The following CAMK2B variants were observed in gnomAD, a reference collection of about 807,000 sequenced individuals.
CAMK2B encodes the protein calcium/calmodulin dependent protein kinase II beta.
Under a neutral mutation model 93.7 loss-of-function variants are expected in CAMK2B, and 27 were observed. The ratio of observed to expected loss-of-function variants is 0.29; its 90% confidence interval spans 0.21 to 0.40. The LOEUF is 0.40. Ranked by LOEUF, CAMK2B falls within the 10% of genes least tolerant of loss-of-function variation. The pLI is 1.00. For missense variants in CAMK2B, 568 were observed against 895.8 expected (o/e 0.63, Z 4.67); for synonymous variants, 374 against 358.8 (o/e 1.04, Z -0.48).
rs1422161715 is a variant in CAMK2B at position 44,225,768 on chromosome 7, C to T, written c.1597+748G>A. On this transcript the variant is annotated intron_variant, in intron 20 of 23. Transcript: ENST00000395749. The surrounding 1 kb of genome is among the most constrained non-coding windows in gnomAD (Gnocchi z 5.0). ...CCTGTCCCTCAAGTACTTACCTAGC[C>T]ACTGCCCTGCCATGCCGAGCCCGTG... 1 of 1,289,390 alleles carries T rather than the reference C, an allele frequency of 7.8e-7. No homozygotes were observed. Among genetic ancestry groups the T allele is most frequent in the Non-Finnish European group, 1.0e-6 (1 of 988,800 alleles). 79.9% of individuals were successfully genotyped at this position (1,289,390 alleles called of 1,614,324 possible).
At chr7:44,221,058 C>T in intron 20 of CAMK2B, 157 bp from the exon 21 acceptor site, 1 of 606,522 alleles carries the variant, frequency 1.6e-6, no homozygotes, top group South Asian at 2.0e-5. Flanking sequence ...GCCCCCCCTG[C>T]ATCACCAGTG....
chr7:44,225,579 C>T lies in CAMK2B; in HGVS notation c.1597+937G>A, dbSNP rs113281800. Among the ~76,000 whole-genome samples, 71 of 152,218 alleles carry T rather than the reference C, an allele frequency of 4.7e-4. No individual in the cohort carries two copies. The highest frequency in any genetic ancestry group is 1.5e-3 in the African/African-American group (63 of 41,542). ...CTCCAGGGGCTGCCCCCTGCTCTCT[C>T]GGGCACCCAGGGTGGATCCAGTGCC... is the stretch of plus-strand genomic sequence containing the variant. On this transcript the variant is annotated intron_variant, in intron 20 of 23. Coordinates refer to ENST00000395749, the MANE Select transcript of CAMK2B (RefSeq NM_001220.5). The surrounding 1 kb of genome is among the most constrained non-coding windows in gnomAD (Gnocchi z 5.0).
At chr7:44,240,673 G>A in intron 12 of CAMK2B, 34 bp downstream of exon 12, 3 of 1,611,560 alleles carry the variant, frequency 1.9e-6, no homozygotes, top group Non-Finnish European at 2.5e-6. Context: ...CAGGGAGGGG[G>A]CAGCGCCTGT....
intron 1 of CAMK2B, among the ~76,000 whole-genome samples, chr7:44,314,529 A>G (rs1044450583): frequency 1.2e-4 from 18 of 152,190 alleles, no homozygotes; most frequent in Non-Finnish European, 2.1e-4. Flanking sequence ...CACGCATTCA[A>G]TCAGCTGGTG....
At chr7:44,284,634 G>A (rs762406119) in intron 1 of CAMK2B, among the ~76,000 whole-genome samples, 20 of 152,212 alleles carry the variant, frequency 1.3e-4, no homozygotes, top group Non-Finnish European at 2.9e-4. Flanking sequence ...AGGCATCCTC[G>A]GGGGCTCTGT....
rs527853744 is a variant in CAMK2B, at chr7:44,224,750, T to C, written c.1597+1766A>G. Among the ~76,000 whole-genome samples, 30 of 151,992 alleles carry C rather than the reference T, an allele frequency of 2.0e-4. No homozygotes were observed. The highest frequency in any genetic ancestry group is 4.2e-4 in the South Asian group (2 of 4,804). On this transcript the variant is annotated intron_variant, in intron 20 of 23. Transcript: ENST00000395749. This position sits in a 1 kb window ranked among gnomAD's most constrained non-coding sequence, Gnocchi z 4.4. The stretch of plus-strand genomic sequence containing the variant: ...GGCTGGATTGTGTATAATCCGCGAT[T>C]AGAGAGCGTGGGTGGGGAGGAGACG...
rs189630332 is a variant in CAMK2B at position 44,218,228 on chromosome 7, C to T, written c.*1297G>A. 783 of 153,250 alleles carry T rather than the reference C, an allele frequency of 5.1e-3. 3 individuals carry two copies. Among genetic ancestry groups the T allele is most frequent in the Middle Eastern group, 0.01 (3 of 298 alleles). 9.5% of individuals were successfully genotyped at this position (153,250 alleles called of 1,614,324 possible). Reference sequence around the variant, plus strand: ...TGTAGCTTTTGCTCCCTTCTGCTCCCGGCCCAGATTCCAAAGGCACTCCCA... The same window carrying T: ...TGTAGCTTTTGCTCCCTTCTGCTCCTGGCCCAGATTCCAAAGGCACTCCCA... On this transcript the variant is annotated 3_prime_UTR_variant, in exon 24 of 24. Transcript: ENST00000395749.
At chr7:44,307,182 T>G (rs1201832399) in intron 1 of CAMK2B, among the ~76,000 whole-genome samples, 22 of 73,550 alleles carry the variant, frequency 3.0e-4, no homozygotes, top group Admixed American at 4.5e-4. Context: ...GGGAGGAGGG[T>G]GTGAGCAGAG....
At chr7:44,247,070 A>T (rs2096738413) in intron 6 of CAMK2B, 50 bp downstream of exon 6, 1 of 1,443,414 alleles carries the variant, frequency 6.9e-7, no homozygotes, top group South Asian at 1.2e-5. Flanking sequence ...TGTACACAGC[A>T]TGCAGGTACA....
intron 2 of CAMK2B, among the ~76,000 whole-genome samples, chr7:44,270,092 G>A (rs994747232): frequency 1.3e-5 from 2 of 151,494 alleles, no homozygotes; most frequent in African/African-American, 4.9e-5. Flanking sequence ...CCCATTCCAG[G>A]CAGCTCTGCC....
chr7:44,325,378 TG>T lies in CAMK2B; in HGVS notation c.43del (p.Gln15SerfsTer54). On this transcript the variant is annotated frameshift_variant, in exon 1 of 24. Coordinates refer to ENST00000395749, the MANE Select transcript of CAMK2B (RefSeq NM_001220.5). LOFTEE classifies it high-confidence loss of function. ...VTCTRFTDEYQLYEDIGKGAF... is the reference protein window; with the variant it reads ...VTCTRFTDEYXLYEDIGKGAF... Reference sequence around the variant, plus strand: ...TTACTTGCCAATATCCTCGTAGAGCTGGTACTCGTCGGTGAAGCGGGTGCAG... The same window carrying T: ...TTACTTGCCAATATCCTCGTAGAGCTGTACTCGTCGGTGAAGCGGGTGCAG... 8.1e-7 allele frequency: 1 copy of T among 1,235,468 alleles called. No homozygotes were observed. The highest frequency in any genetic ancestry group is 1.0e-6 in the Non-Finnish European group (1 of 960,294). The allele number at this position is 1,235,468 out of a possible 1,614,324, so 76.5% of individuals were successfully genotyped here.
chr7:44,291,907 G>A (rs1462207242), intron 1 of CAMK2B, among the ~76,000 whole-genome samples: 3 of 152,202 alleles, frequency 2.0e-5, no homozygotes, highest in Non-Finnish European at 2.9e-5. Context: ...GCTCTTTCCT[G>A]CTTTGGCCCA....
intron 2 of CAMK2B, among the ~76,000 whole-genome samples, chr7:44,265,995 C>T (rs1180955841): frequency 6.6e-6 from 1 of 152,084 alleles, no homozygotes; most frequent in Non-Finnish European, 1.5e-5. Context: ...TCGTTAACTT[C>T]CCCTCCCCCA....
At chr7:44,289,523 C>T (rs1013882205) in intron 1 of CAMK2B, among the ~76,000 whole-genome samples, 3 of 152,158 alleles carry the variant, frequency 2.0e-5, no homozygotes, top group Admixed American at 1.3e-4. Context: ...GAGGGAAGGT[C>T]GGACCCTGCG....
At chr7:44,266,671 G>A (rs1329696622) in intron 2 of CAMK2B, among the ~76,000 whole-genome samples, 2 of 152,192 alleles carry the variant, frequency 1.3e-5, no homozygotes, top group African/African-American at 4.8e-5. Flanking sequence ...ACAGCCGGAA[G>A]TCTGCCAACA....
intron 16 of CAMK2B, among the ~76,000 whole-genome samples, chr7:44,231,870 T>C (rs1448476689): frequency 2.0e-5 from 3 of 152,218 alleles, no homozygotes; most frequent in Non-Finnish European, 2.9e-5. Context: ...ACAAGGTCCC[T>C]GGGGGACCGC....
At chr7:44,325,321 G>A in intron 1 of CAMK2B, 36 bp downstream of exon 1, 2 of 1,185,254 alleles carry the variant, frequency 1.7e-6, no homozygotes, top group South Asian at 1.8e-5. Context: ...GCCCTCTGGG[G>A]TCCCCGGCCC....
intron 1 of CAMK2B, among the ~76,000 whole-genome samples, chr7:44,304,961 C>A (rs556781787): frequency 2.3e-4 from 34 of 150,508 alleles, no homozygotes; most frequent in Non-Finnish European, 4.4e-4. Context: ...ATCTTTAAAA[C>A]ACCAGGATAG....
At chr7:44,263,098 GC>G in intron 2 of CAMK2B, 34 bp from the exon 3 acceptor site, 1 of 1,606,242 alleles carries the variant, frequency 6.2e-7, no homozygotes, top group African/African-American at 1.3e-5. Flanking sequence ...GTCACCTCCT[GC>G]GCCAGCAACT....
Sources: allele counts gnomAD v4.1 joint callset (sites outside exome capture counted in the v4.1 genomes callset), GRCh38; gene constraint gnomAD v4.1.1; non-coding constraint Gnocchi (gnomAD v3.1); transcripts MANE v1.5; gene names NCBI Gene and HGNC (gene_info 2026-07-23, HGNC 2026-07-21).